Variants in POLR2F observed in about 807,000 individuals in gnomAD.
POLR2F encodes the protein DNA-directed RNA polymerases I, II, and III subunit RPABC2.
Under a neutral mutation model 22.7 loss-of-function variants are expected in POLR2F, and 12 were observed. The ratio of observed to expected loss-of-function variants is 0.53; its 90% CI spans 0.34 to 0.86. The LOEUF is 0.86. Among genes scored for constraint, POLR2F ranks in the 40% least tolerant of loss-of-function variants. The pLI is 0.02. For missense variants in POLR2F, 126 were observed against 171.5 expected, an observed-to-expected ratio of 0.73 and a Z score of 1.48; for synonymous variants, 57 against 66.0, an observed-to-expected ratio of 0.86 and a Z score of 0.66.
At chr22:38,040,802 A>C in intron 5 of POLR2F, 1 of 509,260 alleles carries the variant, frequency 2.0e-6, no homozygotes, top group Non-Finnish European at 3.5e-6. Flanking sequence ...GTGATGGTGA[A>C]GGGAGCATGG....
At chr22:37,983,680 G>A (rs1284869913), upstream of POLR2F, 1 of 1,561,180 alleles carries the variant, frequency 6.4e-7, no homozygotes, top group South Asian at 1.2e-5. This position sits in a 1 kb window ranked among gnomAD's most constrained non-coding sequence, Gnocchi z 9.5. Flanking sequence ...CGCCGCCGCC[G>A]CCGTCGGGCC....
intron 3 of POLR2F, among the ~76,000 whole-genome samples, chr22:37,966,200 A>C (rs905726320): frequency 6.6e-6 from 1 of 152,174 alleles, no homozygotes; most frequent in African/African-American, 2.4e-5. Flanking sequence ...TTTTAGGGAG[A>C]GGAAGAGCTT....
chr22:38,004,152 C>T (rs963448815), intron 1 of POLR2F, among the ~76,000 whole-genome samples: 8 of 139,712 alleles, frequency 5.7e-5, no homozygotes, highest in Non-Finnish European at 7.6e-5. Flanking sequence ...CTGTGTCTGG[C>T]TAATTTTTAT....
chr22:37,956,756 C>G lies in POLR2F; in HGVS notation c.21-17C>G. On this transcript the variant is annotated splice_polypyrimidine_tract_variant and intron_variant, in intron 1 of 4. Transcript: ENST00000442738. ...TTAAGTGATGCTCTAAGTAACTGAT[C>G]TCTTCTTCCTGTACAGTTTTGATGG... The G allele has an allele frequency of 1.9e-6, 3 of 1,606,132 alleles. No homozygotes were observed. Among genetic ancestry groups the G allele is most frequent in the Non-Finnish European group, 2.6e-6 (3 of 1,172,666 alleles).
At position 38,016,041 on chromosome 22, in the gene POLR2F, C is replaced by A. The variant is rs893334082; in HGVS notation, c.121-9828C>A. On this transcript the variant is annotated intron_variant, in intron 1 of 2. Transcript: ENST00000333418. This position sits in a 1 kb window ranked among gnomAD's most constrained non-coding sequence, Gnocchi z 4.4. ...GGTCTTCCCTACTCTCTAGCCCACA[C>A]CAGCAGTGTCAGGCCCACTGCCCTA... 6.6e-6 allele frequency among the ~76,000 whole-genome samples: 1 copy of A among 152,186 alleles called. No individual in the cohort carries two copies. Among genetic ancestry groups the A allele is most frequent in the Admixed American group, 6.5e-5 (1 of 15,284 alleles).
chr22:37,970,637 A>T (rs1932023093), downstream of POLR2F: 1 of 148,514 alleles, frequency 6.7e-6, no homozygotes, highest in Non-Finnish European at 1.5e-5. Context: ...AAGAGTGGAG[A>T]TAATAGGACT....
Position 37,967,727 on chromosome 22 carries a change from C to A in POLR2F, c.*12C>A. The A allele has an allele frequency of 6.2e-7, 1 of 1,608,050 alleles. No homozygotes were observed. The highest frequency in any genetic ancestry group is 8.5e-7 in the Non-Finnish European group (1 of 1,177,896). On this transcript the variant is annotated 3_prime_UTR_variant, in exon 5 of 5. Transcript: ENST00000442738. ...TCATCACCGACTGAGCTGGAGTCATCTTCCTGCCCTTGCCCCATGCCCAAT... is the reference window on the plus strand; with the variant it reads ...TCATCACCGACTGAGCTGGAGTCATATTCCTGCCCTTGCCCCATGCCCAAT...
intron 1 of POLR2F, among the ~76,000 whole-genome samples, chr22:38,006,552 A>T (rs945229430): frequency 2.6e-5 from 4 of 152,358 alleles, no homozygotes; most frequent in East Asian, 1.9e-4. Context: ...CTTGGAGCTG[A>T]TACCTGCTCG....
In POLR2F at chr22:38,019,275, G is replaced by A. The variant is rs528930429; in HGVS notation, c.121-6594G>A. On this transcript the variant is annotated intron_variant, in intron 1 of 2. Transcript: ENST00000333418. Reference sequence around the variant, plus strand: ...CCCCCATTCCTAAGCTGCTGGTGCCGCTTCTTCAGCCCCCGGGCTTGACAT... The same window carrying A: ...CCCCCATTCCTAAGCTGCTGGTGCCACTTCTTCAGCCCCCGGGCTTGACAT... Among the ~76,000 whole-genome samples the A allele has an allele frequency of 1.8e-4, 28 of 152,148 alleles. No homozygotes were observed. The East Asian group carries it at 4.5e-3, about 24-fold the overall frequency.
downstream of POLR2F, chr22:37,974,144 G>A (rs74315518): frequency 8.7e-6 from 14 of 1,611,132 alleles, no homozygotes; most frequent in East Asian, 2.2e-5. The surrounding 1 kb of genome is among the most constrained non-coding windows in gnomAD (Gnocchi z 5.4). Context: ...TGCCTTGCCC[G>A]ACTGCAGCTC....
chr22:38,022,544 G>A (rs1177662292), intron 1 of POLR2F, among the ~76,000 whole-genome samples: 1 of 122,672 alleles, frequency 8.2e-6, no homozygotes, highest in East Asian at 2.3e-4. Context: ...AGAGTGAAAC[G>A]CTGTCTCAAA....
intron 1 of POLR2F, chr22:37,987,966 C>T (rs1932629927): frequency 6.6e-6 from 1 of 152,544 alleles, no homozygotes; most frequent in Admixed American, 6.5e-5. Context: ...CATTTCTAAT[C>T]AGTTGCCTAG....
intron 1 of POLR2F, among the ~76,000 whole-genome samples, chr22:38,005,792 T>C (rs951683054): frequency 1.3e-5 from 2 of 152,218 alleles, no homozygotes; most frequent in Admixed American, 6.5e-5. Flanking sequence ...CAGAGATGAG[T>C]ACAGAACTTA....
At chr22:38,010,738 T>A (rs2145809484) in intron 1 of POLR2F, among the ~76,000 whole-genome samples, 1 of 151,004 alleles carries the variant, frequency 6.6e-6, no homozygotes, top group East Asian at 2.0e-4. Flanking sequence ...TGCCTCAGCC[T>A]CCCAAGCAGC....
At chr22:38,002,682 G>A (rs991718754) in intron 1 of POLR2F, among the ~76,000 whole-genome samples, 2 of 152,230 alleles carry the variant, frequency 1.3e-5, no homozygotes, top group African/African-American at 4.8e-5. Flanking sequence ...ACCTTACAGA[G>A]AGAGAAGGGA....
In POLR2F at chr22:38,019,982, C is replaced by T. The variant is rs1263642967; in HGVS notation, c.121-5887C>T. The stretch of plus-strand genomic sequence containing the variant: ...TGAGCCGAGATCGTGCTATTGCACT[C>T]CAGCCTGGGCAACAAGAGCAAAACT... On this transcript the variant is annotated intron_variant, in intron 1 of 2. Coordinates refer to the POLR2F transcript ENST00000333418. 2.6e-5 allele frequency among the ~76,000 whole-genome samples: 4 copies of T among 151,724 alleles called. No individual in the cohort carries two copies. In the East Asian group the frequency reaches 7.7e-4, roughly 29 times the overall value.
chr22:37,979,153 C>T (rs1352025940), intron 4 of POLR2F, among the ~76,000 whole-genome samples: 3 of 150,638 alleles, frequency 2.0e-5, no homozygotes, highest in South Asian at 4.2e-4. Context: ...GCTGGAGTGC[C>T]GTGATGCGGT....
At chr22:37,955,072 C>G (rs1931318717) in intron 1 of POLR2F, among the ~76,000 whole-genome samples, 1 of 151,822 alleles carries the variant, frequency 6.6e-6, no homozygotes, top group African/African-American at 2.4e-5. Context: ...GGGTGAAAGG[C>G]TTTTTGGAGT....
rs73886229 is a variant in POLR2F at position 38,016,316 on chromosome 22, C to T, written c.121-9553C>T. ...ATGAGGCATTACTCTGGACAAAGCC[C>T]CGGCCCAAAGGCATTTGGGAGCCTG... On this transcript the variant is annotated intron_variant, in intron 1 of 2. Coordinates refer to the POLR2F transcript ENST00000333418. The surrounding 1 kb of genome is among the most constrained non-coding windows in gnomAD (Gnocchi z 4.4). 9.6e-3 allele frequency among the ~76,000 whole-genome samples: 1,464 copies of T among 152,336 alleles called. 27 individuals are homozygous for T. Among genetic ancestry groups the T allele is most frequent in the African/African-American group, 0.034 (1,418 of 41,578 alleles).
Sources: gnomAD v4.1 joint callset for allele counts (sites outside exome capture counted in the v4.1 genomes callset) on GRCh38, gnomAD v4.1.1 for gene constraint, Gnocchi (gnomAD v3.1) non-coding constraint, MANE v1.5 for transcripts, NCBI Gene and HGNC (gene_info 2026-07-23, HGNC 2026-07-21) for gene names.